GCG: variants seen among roughly 807,000 people sequenced by gnomAD.
GCG encodes the protein glucagon, also known as pro-glucagon.
A neutral mutation model predicts 22.8 loss-of-function variants in GCG; 11 were observed. The ratio of observed to expected loss-of-function variants is 0.48; its 90% CI spans 0.30 to 0.80. The LOEUF (loss-of-function observed/expected upper bound fraction) is 0.80. Among genes scored for constraint, GCG ranks in the 30% least tolerant of loss-of-function variants. GCG has a pLI of 0.06. For missense variants in GCG, 222 were observed against 222.0 expected, an observed-to-expected ratio of 1.00 and a Z score of 0.00; for synonymous variants, 89 against 72.4, an observed-to-expected ratio of 1.23 and a Z score of -1.16.
At chr2:162,151,960 A>T (rs1686848811) in intron 1 of GCG, among the ~76,000 whole-genome samples, 198 bp downstream of exon 1, 1 of 152,168 alleles carries the variant, frequency 6.6e-6, no homozygotes, top group South Asian at 2.1e-4. Flanking sequence ...TTATTTTTCC[A>T]ACTCGCTTTG....
At chr2:162,152,133 A>C (rs1210966475) in intron 1 of GCG, 25 bp downstream of exon 1, 1 of 152,568 alleles carries the variant, frequency 6.6e-6, no homozygotes, top group Non-Finnish European at 1.5e-5. Context: ...GCCAAACAGG[A>C]TTTACAATTT....
chr2:162,149,035 G>A, intron 2 of GCG, 52 bp downstream of exon 2: 1 of 1,068,648 alleles, frequency 9.4e-7, no homozygotes. Context: ...AGTTTTCACA[G>A]GCTTTATTCC....
At chr2:162,143,632 C>T (rs1429233618) in intron 5 of GCG, among the ~76,000 whole-genome samples, 1 of 151,954 alleles carries the variant, frequency 6.6e-6, no homozygotes, top group East Asian at 1.9e-4. Flanking sequence ...TTTCGGTGTC[C>T]AGTTCTCACT....
chr2:162,145,544 G>C lies in GCG; in HGVS notation c.388C>G (p.Arg130Gly), dbSNP rs756588710. The C allele has an allele frequency of 1.0e-5, 16 of 1,605,936 alleles. No homozygotes were observed. The highest frequency in any genetic ancestry group is 1.3e-5 in the African/African-American group (1 of 74,478). The change falls in exon 4 of 6, where the codon CGA becomes GGA. Residue 130 changes from arginine to glycine, a missense_variant. Physicochemically the swap from Arg to Gly is moderately radical, Grantham distance 125. Transcript: ENST00000418842. ...IAWLVKGRGRRDFPEEVAIVE... is the reference protein window; with the variant it reads ...IAWLVKGRGRGDFPEEVAIVE... ...AATAAGAATGTACAGACTTACTCTC[G>C]CCTTCCTCGGCCTTTCACCAGCCAA...
In GCG at chr2:162,149,024, T is replaced by C. The variant is rs547285756; in HGVS notation, c.92+63A>G. ...TTACTGAGACCTTATTCACTAATCA[T>C]AGTTTTCACAGGCTTTATTCCAACC... On this transcript the variant is annotated intron_variant, in intron 2 of 5. Coordinates refer to ENST00000418842, the MANE Select transcript of GCG (RefSeq NM_002054.5). 107 of 938,948 alleles carry C rather than the reference T, an allele frequency of 1.1e-4. No homozygotes were observed. The African/African-American group carries it at 1.6e-3, about 14-fold the overall frequency. The allele number at this position is 938,948 out of a possible 1,614,324, so 58.2% of individuals were successfully genotyped here. A position where few individuals can be genotyped will look rare whatever the true frequency, so the allele number is the denominator to read the frequency against.
intron 2 of GCG, chr2:162,147,738 C>T: frequency 1.8e-6 from 1 of 564,694 alleles, no homozygotes. Context: ...ACATGTTTCT[C>T]AACTGACTTC....
At chr2:162,147,822 G>A (rs1686729655) in intron 2 of GCG, among the ~76,000 whole-genome samples, 1 of 152,134 alleles carries the variant, frequency 6.6e-6, no homozygotes, top group Admixed American at 6.6e-5. Context: ...AATAGTGACA[G>A]AAGAGAGTAG....
rs746732811 is a variant in GCG, at chr2:162,147,370, C to T, written c.237G>A (p.Met79Ile). 5.6e-6 allele frequency: 9 copies of T among 1,612,898 alleles called. No individual in the cohort carries two copies. The South Asian group carries it at 9.9e-5, about 18-fold the overall frequency. ...ACTCTTACCTGTTCCTCTTGGTATT[C>T]ATCAACCACTGCACAAAATCTTGGG... ...RRAQDFVQWL[M>I]NTKRNRNNIA... The change falls in exon 3 of 6, where the codon ATG becomes ATA. Residue 79 changes from methionine to isoleucine, a missense_variant. Met to Ile is a conservative substitution (Grantham distance 10, BLOSUM62 1). Transcript: ENST00000418842.
rs532985101 is a variant in GCG, at chr2:162,147,475, A to G, written c.132T>C (p.Pro44=). The change falls in exon 3 of 6, where the codon CCT becomes CCC. Residue 44 remains proline (P), a synonymous_variant. Coordinates refer to ENST00000418842, the MANE Select transcript of GCG (RefSeq NM_002054.5). The part of the protein sequence containing the change: ...SASQADPLSD[P]DQMNEDKRHS... Reference sequence around the variant, plus strand: ...GGCGCTTGTCCTCGTTCATCTGATCAGGATCACTGAGTGGGTCTGCCTGGG... The same window carrying G: ...GGCGCTTGTCCTCGTTCATCTGATCGGGATCACTGAGTGGGTCTGCCTGGG... The G allele has an allele frequency of 6.1e-5, 99 of 1,613,128 alleles. 1 individual carries two copies. The highest frequency in any genetic ancestry group is 3.9e-5 in the Non-Finnish European group (46 of 1,179,388).
At chr2:162,145,946 G>C (rs552141338) in intron 3 of GCG, among the ~76,000 whole-genome samples, 21 of 152,208 alleles carry the variant, frequency 1.4e-4, no homozygotes, top group African/African-American at 4.8e-4. Context: ...GTATGTCATT[G>C]GTTATTAAAG....
intron 2 of GCG, among the ~76,000 whole-genome samples, chr2:162,147,756 C>A (rs1421323787): frequency 6.6e-6 from 1 of 151,984 alleles, no homozygotes; most frequent in Non-Finnish European, 1.5e-5. Flanking sequence ...TTCTTTTTTT[C>A]TGAAATAGGA....
chr2:162,147,487 T>G lies in GCG; in HGVS notation c.120A>C (p.Pro40=). ...SRSFSASQAD[P]LSDPDQMNED... ...CGTTCATCTGATCAGGATCACTGAG[T>G]GGGTCTGCCTGGGAAGCTGAGAATG... is the stretch of plus-strand genomic sequence containing the variant. Residue 40 remains proline, a synonymous_variant, in exon 3 of 6, where the codon CCA becomes CCC. Coordinates refer to ENST00000418842, the MANE Select transcript of GCG (RefSeq NM_002054.5). 6.2e-7 allele frequency: 1 copy of G among 1,613,176 alleles called. No homozygotes were observed. The highest frequency in any genetic ancestry group is 8.5e-7 in the Non-Finnish European group (1 of 1,179,360).
At chr2:162,143,917 T>C (rs1355404528) in intron 5 of GCG, 110 bp downstream of exon 5, 1 of 830,382 alleles carries the variant, frequency 1.2e-6, no homozygotes, top group South Asian at 1.5e-5. Flanking sequence ...ATTTCCTATA[T>C]AATAAGAGAT....
intron 3 of GCG, among the ~76,000 whole-genome samples, chr2:162,146,253 C>T (rs778374751): frequency 9.2e-5 from 14 of 152,188 alleles, no homozygotes; most frequent in Non-Finnish European, 1.9e-4. Context: ...CTCCCTGGCA[C>T]ATATTACCCC....
chr2:162,150,629 C>A (rs1686810425), intron 1 of GCG, among the ~76,000 whole-genome samples: 1 of 152,094 alleles, frequency 6.6e-6, no homozygotes, highest in South Asian at 2.1e-4. Flanking sequence ...TAGGTAGTAT[C>A]TACTGATTAT....
chr2:162,151,928 T>C (rs1199964507), intron 1 of GCG, among the ~76,000 whole-genome samples: 1 of 152,166 alleles, frequency 6.6e-6, no homozygotes, highest in Non-Finnish European at 1.5e-5. Context: ...GTTTTTTTTC[T>C]GTTTTATATT....
intron 3 of GCG, 81 bp downstream of exon 3, chr2:162,147,272 A>T: frequency 9.7e-7 from 1 of 1,029,640 alleles, no homozygotes; most frequent in Non-Finnish European, 1.5e-6. Flanking sequence ...GACGAGCATA[A>T]GAACTTAATA....
At chr2:162,143,927 T>G in intron 5 of GCG, 100 bp downstream of exon 5, 1 of 909,028 alleles carries the variant, frequency 1.1e-6, no homozygotes, top group Non-Finnish European at 1.8e-6. Context: ...TAATAAGAGA[T>G]TATAGACTTT....
intron 1 of GCG, 32 bp from the exon 2 acceptor site, chr2:162,149,219 G>A: frequency 8.0e-7 from 1 of 1,253,578 alleles, no homozygotes; most frequent in Non-Finnish European, 1.2e-6. Flanking sequence ...GTAGGGTGAG[G>A]GGGGCAGGCA....
Sources: allele counts gnomAD v4.1 joint callset (sites outside exome capture counted in the v4.1 genomes callset), GRCh38; gene constraint gnomAD v4.1.1; transcripts MANE v1.5; gene names NCBI Gene and HGNC (gene_info 2026-07-23, HGNC 2026-07-21).